The following SUMF1 variants were observed in gnomAD, a reference collection of about 807,000 sequenced individuals.
The protein encoded by SUMF1 is formylglycine-generating enzyme.
A neutral mutation model predicts 47.6 loss-of-function variants in SUMF1; 48 were observed. That is an observed-to-expected ratio of 1.01 (90% confidence interval 0.80 to 1.28). The LOEUF (loss-of-function observed/expected upper bound fraction) is 1.28, where lower values mean the gene tolerates loss of function less well. Ranked by LOEUF, SUMF1 falls within the 50% of genes most tolerant of loss-of-function variation. SUMF1 has a pLI of 0.00. For missense variants in SUMF1, 571 were observed against 485.4 expected (o/e 1.18, Z -1.66); for synonymous variants, 230 against 192.1 (o/e 1.20, Z -1.63).
intron 3 of SUMF1, among the ~76,000 whole-genome samples, chr3:4,430,466 T>C (rs1467525958): frequency 1.3e-5 from 2 of 152,078 alleles, no homozygotes; most frequent in Admixed American, 1.3e-4. Flanking sequence ...GTAAAATTAG[T>C]ATACTATGAA....
chr3:4,460,916 A>T (rs1343920019), intron 1 of SUMF1, among the ~76,000 whole-genome samples: 1 of 151,780 alleles, frequency 6.6e-6, no homozygotes, highest in African/African-American at 2.4e-5. Context: ...CAGCCTCCCA[A>T]AGTGCTGGGC....
chr3:4,065,555 G>A (rs760951882), intron 9 of SUMF1, among the ~76,000 whole-genome samples: 8 of 152,016 alleles, frequency 5.3e-5, no homozygotes, highest in Non-Finnish European at 8.8e-5. Flanking sequence ...AGTGATTTAC[G>A]CTGAACAAAG....
intron 7 of SUMF1, among the ~76,000 whole-genome samples, chr3:4,402,051 A>G (rs999373970): frequency 1.3e-5 from 2 of 152,204 alleles, no homozygotes; most frequent in Admixed American, 6.5e-5. Flanking sequence ...AGAAGTGCGC[A>G]CACACACATG....
chr3:4,437,893 C>T (rs528698388), intron 3 of SUMF1, among the ~76,000 whole-genome samples: 2 of 151,892 alleles, frequency 1.3e-5, no homozygotes, highest in African/African-American at 4.8e-5. Context: ...GAGCTGAGAT[C>T]GTGCCACTGC....
chr3:4,361,837 C>A lies in SUMF1; in HGVS notation c.*307G>T. On this transcript the variant is annotated 3_prime_UTR_variant, in exon 9 of 9. Transcript: ENST00000272902. ...CGGACCTGGGGTCTAACCCCTGTGG[C>A]AGAGCCTGCGTAGGACGCGGGCCTC... 2.6e-6 allele frequency: 1 copy of A among 386,798 alleles called. No individual in the cohort carries two copies. The highest frequency in any genetic ancestry group is 4.9e-6 in the Non-Finnish European group (1 of 203,756). 24.0% of individuals were successfully genotyped at this position (386,798 alleles called of 1,614,324 possible).
chr3:4,242,139 T>G (rs551544151), intron 8 of SUMF1, among the ~76,000 whole-genome samples: 8 of 152,308 alleles, frequency 5.3e-5, no homozygotes, highest in African/African-American at 1.7e-4. Flanking sequence ...TGCTAAGACT[T>G]TGCTGAAGTT....
chr3:4,087,163 G>C (rs1030734465), intron 8 of SUMF1, among the ~76,000 whole-genome samples: 1 of 152,182 alleles, frequency 6.6e-6, no homozygotes, highest in East Asian at 1.9e-4. Flanking sequence ...GTACTGGAAA[G>C]CCAACGTGGG....
chr3:4,351,428 A>G (rs1356447306), intron 8 of SUMF1, among the ~76,000 whole-genome samples: 2 of 152,168 alleles, frequency 1.3e-5, no homozygotes, highest in African/African-American at 2.4e-5. Flanking sequence ...GTCCTCTCAT[A>G]TACTTTTTCA....
intron 3 of SUMF1, among the ~76,000 whole-genome samples, chr3:4,434,610 A>G (rs1047809496): frequency 6.6e-6 from 1 of 152,214 alleles, no homozygotes; most frequent in African/African-American, 2.4e-5. Context: ...TACTGTATAC[A>G]TTACTTGATT....
chr3:4,366,776 G>A (rs1163022399), intron 8 of SUMF1, among the ~76,000 whole-genome samples: 1 of 144,002 alleles, frequency 6.9e-6, no homozygotes, highest in African/African-American at 2.6e-5. Context: ...CGTTCCTTTG[G>A]AGGAGGAGAG....
chr3:4,147,896 T>C (rs963817765), intron 8 of SUMF1, among the ~76,000 whole-genome samples: 1 of 152,284 alleles, frequency 6.6e-6, no homozygotes, highest in South Asian at 2.1e-4. Flanking sequence ...CTAAATATGA[T>C]GGCTCAGCAG....
intron 8 of SUMF1, among the ~76,000 whole-genome samples, chr3:4,295,672 A>T (rs1006059529): frequency 2.0e-5 from 3 of 152,270 alleles, no homozygotes; most frequent in South Asian, 4.1e-4. Flanking sequence ...GAGTGAAATT[A>T]ATTTCTTGCT....
chr3:4,408,742 G>A (rs560721851), intron 7 of SUMF1, among the ~76,000 whole-genome samples: 11 of 152,270 alleles, frequency 7.2e-5, no homozygotes, highest in South Asian at 4.1e-4. Context: ...GGGACAAGGC[G>A]GGTAGATCAC....
At chr3:4,413,553 A>C (rs1052654768) in intron 6 of SUMF1, among the ~76,000 whole-genome samples, 1 of 152,072 alleles carries the variant, frequency 6.6e-6, no homozygotes, top group African/African-American at 2.4e-5. Context: ...CAATCTACTA[A>C]CTAAAGCTTC....
At chr3:4,243,130 G>C (rs1696581249) in intron 8 of SUMF1, among the ~76,000 whole-genome samples, 1 of 152,048 alleles carries the variant, frequency 6.6e-6, no homozygotes, top group South Asian at 2.1e-4. Context: ...ATTTTTTATT[G>C]CGTCTATTTG....
intron 8 of SUMF1, among the ~76,000 whole-genome samples, chr3:4,192,099 G>C (rs1574965770): frequency 2.0e-5 from 3 of 152,150 alleles, no homozygotes; most frequent in Admixed American, 1.3e-4. Context: ...CACAAATACA[G>C]TCTGGGCTGA....
chr3:4,457,689 T>A lies in SUMF1; in HGVS notation c.271-4640A>T, dbSNP rs2125155414. 1.3e-5 allele frequency among the ~76,000 whole-genome samples: 2 copies of A among 152,304 alleles called. 1 individual carries two copies. The highest frequency in any genetic ancestry group is 4.1e-4 in the South Asian group (2 of 4,830). ...GTATTAGGAAAACTGAATATCCACA[T>A]GTAGAAGAATGAAATTAGACCCTTA... On this transcript the variant is annotated intron_variant, in intron 1 of 8. Transcript: ENST00000272902.
chr3:4,362,337 C>A, intron 8 of SUMF1, 83 bp from the exon 9 acceptor site: 1 of 1,145,862 alleles, frequency 8.7e-7, no homozygotes, highest in Non-Finnish European at 1.3e-6. Context: ...ATTGCACCGG[C>A]TGTAGACAGT....
chr3:4,130,648 G>T (rs188565657), intron 8 of SUMF1, among the ~76,000 whole-genome samples: 1 of 152,240 alleles, frequency 6.6e-6, no homozygotes, highest in African/African-American at 2.4e-5. Flanking sequence ...GTCCAGTAGT[G>T]TGGGGCCTGT....
Sources: allele counts gnomAD v4.1 joint callset (sites outside exome capture counted in the v4.1 genomes callset), GRCh38; gene constraint gnomAD v4.1.1; transcripts MANE v1.5; gene names NCBI Gene and HGNC (gene_info 2026-07-23, HGNC 2026-07-21).